The following TCEANC2 variants were observed in gnomAD, a reference collection of about 807,000 sequenced individuals.
The protein encoded by TCEANC2 is transcription elongation factor A N-terminal and central domain containing 2, also known as transcription elongation factor A N-terminal and central domain-containing protein 2.
In TCEANC2, 20 loss-of-function variants were observed where a neutral mutation model predicts 22.8. The ratio of observed to expected loss-of-function variants is 0.88; its 90% CI spans 0.62 to 1.28. The LOEUF (loss-of-function observed/expected upper bound fraction) is 1.28. Among genes scored for constraint, TCEANC2 ranks in the 50% most tolerant of loss-of-function variants. The pLI, the probability that TCEANC2 is intolerant of heterozygous loss-of-function variation, is 0.00. For synonymous variants in TCEANC2, 84 were observed against 95.5 expected (o/e 0.88, Z 0.70); for missense variants, 251 against 249.7 (o/e 1.01, Z -0.03).
In TCEANC2 at chr1:54,096,797, C is replaced by T; in HGVS notation, c.*324C>T. On this transcript the variant is annotated 3_prime_UTR_variant, in exon 5 of 5. Transcript: ENST00000234827. This position sits in a 1 kb window ranked among gnomAD's most constrained non-coding sequence, Gnocchi z 4.9. ...TATGCCAAGGACACCTCTAAACTTC[C>T]CCCATGTCAGTCAGATGAAGTTACT... 1 of 1,045,732 alleles carries T rather than the reference C, an allele frequency of 9.6e-7. No individual in the cohort carries two copies. Among genetic ancestry groups the T allele is most frequent in the Non-Finnish European group, 1.2e-6 (1 of 868,428 alleles). The allele number at this position is 1,045,732 out of a possible 1,614,324, so 64.8% of individuals were successfully genotyped here.
chr1:54,075,930 G>A (rs10158149), intron 3 of TCEANC2, among the ~76,000 whole-genome samples: 1 of 151,556 alleles, frequency 6.6e-6, no homozygotes, highest in Non-Finnish European at 1.5e-5. Context: ...AGGAGAACCC[G>A]GGAAGCTGAG....
chr1:54,071,824 T>C (rs546090400), intron 3 of TCEANC2, among the ~76,000 whole-genome samples: 1 of 152,132 alleles, frequency 6.6e-6, no homozygotes, highest in Non-Finnish European at 1.5e-5. Flanking sequence ...TTTTATTTTT[T>C]TTTTTGAGAC....
chr1:54,083,549 A>G (rs1037184860), intron 3 of TCEANC2, among the ~76,000 whole-genome samples: 3 of 152,212 alleles, frequency 2.0e-5, no homozygotes, highest in African/African-American at 7.2e-5. Context: ...GGATTCGACC[A>G]AGTCAAAGGA....
chr1:54,108,574 A>G (rs375621331), downstream of TCEANC2, among the ~76,000 whole-genome samples: 6 of 152,320 alleles, frequency 3.9e-5, no homozygotes, highest in Middle Eastern at 3.4e-3. Flanking sequence ...TTGGACATCT[A>G]GTCTCCAGAA....
rs1330661794 is a variant in TCEANC2 at position 54,101,043 on chromosome 1, C to A, written c.*4570C>A. ...CCCAGGTTTGAAAAATGGCAGGAGACCCAGATAATGCATTTACTGTGTTCT... is the reference window on the plus strand; with the variant it reads ...CCCAGGTTTGAAAAATGGCAGGAGAACCAGATAATGCATTTACTGTGTTCT... On this transcript the variant is annotated 3_prime_UTR_variant, in exon 5 of 5. Transcript: ENST00000234827. The A allele has an allele frequency of 6.6e-6, 1 of 151,756 alleles. No homozygotes were observed. Among genetic ancestry groups the A allele is most frequent in the Non-Finnish European group, 1.5e-5 (1 of 67,966 alleles). The allele number at this position is 151,756 out of a possible 1,614,324, so 9.4% of individuals were successfully genotyped here.
chr1:54,088,620 A>G lies in TCEANC2; in HGVS notation c.268A>G (p.Lys90Glu). 6.2e-7 allele frequency: 1 copy of G among 1,603,830 alleles called. No individual in the cohort carries two copies. ...RIGHTVNKMR[K>E]HSDSEVASLA... ...AGGTCACACTGTGAACAAGATGCGT[A>G]AACACTCAGATTCAGAAGTGGCTTC... The change falls in exon 4 of 5, where the codon AAA becomes GAA. Residue 90 changes from lysine (K) to glutamate (E), a missense_variant. Transcript: ENST00000234827.
Position 54,099,309 on chromosome 1 carries a change from C to T in TCEANC2, c.*2836C>T, listed in dbSNP as rs550358568. 6.6e-6 allele frequency: 1 copy of T among 152,332 alleles called. No individual in the cohort carries two copies. Among genetic ancestry groups the T allele is most frequent in the African/African-American group, 2.4e-5 (1 of 41,584 alleles). The allele number at this position is 152,332 out of a possible 1,614,324, so 9.4% of individuals were successfully genotyped here. Reference sequence around the variant, plus strand: ...AGGCTGTGTTATTTGTGGCTGTTTTCTCCTTGATGCATGTGCAGAATTTCC... The same window carrying T: ...AGGCTGTGTTATTTGTGGCTGTTTTTTCCTTGATGCATGTGCAGAATTTCC... On this transcript the variant is annotated 3_prime_UTR_variant, in exon 5 of 5. Transcript: ENST00000234827.
At chr1:54,077,035 C>T (rs1428027364) in intron 3 of TCEANC2, among the ~76,000 whole-genome samples, 3 of 151,992 alleles carry the variant, frequency 2.0e-5, no homozygotes, top group African/African-American at 4.8e-5. Context: ...TGAGGTATGG[C>T]TGTAAACATT....
chr1:54,091,596 A>G (rs1658448430), intron 4 of TCEANC2, among the ~76,000 whole-genome samples: 1 of 152,210 alleles, frequency 6.6e-6, no homozygotes, highest in African/African-American at 2.4e-5. Flanking sequence ...CGCACAGCCT[A>G]AAGGTGCATC....
At chr1:54,074,808 A>G (rs1367205652) in intron 3 of TCEANC2, among the ~76,000 whole-genome samples, 1 of 152,226 alleles carries the variant, frequency 6.6e-6, no homozygotes, top group African/African-American at 2.4e-5. Flanking sequence ...TGAGGAGTGA[A>G]GAAGATGTAT....
chr1:54,059,183 T>C (rs1186296461), intron 2 of TCEANC2, among the ~76,000 whole-genome samples: 1 of 151,312 alleles, frequency 6.6e-6, no homozygotes, highest in African/African-American at 2.4e-5. Context: ...CTCAGAGTCT[T>C]GCTCTATCAC....
chr1:54,108,385 C>G (rs749255646), downstream of TCEANC2, among the ~76,000 whole-genome samples: 1 of 152,140 alleles, frequency 6.6e-6, no homozygotes, highest in Non-Finnish European at 1.5e-5. Flanking sequence ...CTTTACAAAG[C>G]TAATTAAGGT....
intron 3 of TCEANC2, among the ~76,000 whole-genome samples, chr1:54,074,068 T>C (rs1292546118): frequency 6.6e-6 from 1 of 152,064 alleles, no homozygotes; most frequent in Non-Finnish European, 1.5e-5. Context: ...CCAAAAGAAA[T>C]GTCCAACAGA....
intron 2 of TCEANC2, among the ~76,000 whole-genome samples, chr1:54,056,914 C>T (rs545876256): frequency 2.0e-5 from 3 of 151,762 alleles, no homozygotes; most frequent in East Asian, 2.0e-4. Context: ...TGGTGGGGAG[C>T]GCCTGTAGTC....
At chr1:54,057,482 C>T (rs568787412) in intron 2 of TCEANC2, among the ~76,000 whole-genome samples, 23 of 151,070 alleles carry the variant, frequency 1.5e-4, no homozygotes, top group African/African-American at 4.1e-4. Context: ...TGAGCCACTA[C>T]GCCTGGCCCC....
In TCEANC2 at chr1:54,100,858, A is replaced by G. The variant is rs899309621; in HGVS notation, c.*4385A>G. Reference sequence around the variant, plus strand: ...TGTGTGTTTTAAAAAGATTTAAAAAACAAAAACAAAAACAGATATTTTAAG... The same window carrying G: ...TGTGTGTTTTAAAAAGATTTAAAAAGCAAAAACAAAAACAGATATTTTAAG... On this transcript the variant is annotated 3_prime_UTR_variant, in exon 5 of 5. Coordinates refer to ENST00000234827, the MANE Select transcript of TCEANC2 (RefSeq NM_153035.3). 3 of 151,954 alleles carry G rather than the reference A, an allele frequency of 2.0e-5. No individual in the cohort carries two copies. The highest frequency in any genetic ancestry group is 4.4e-5 in the Non-Finnish European group (3 of 68,044). 9.4% of individuals were successfully genotyped at this position (151,954 alleles called of 1,614,324 possible).
At chr1:54,058,002 A>T (rs1376994630) in intron 2 of TCEANC2, among the ~76,000 whole-genome samples, 1 of 152,142 alleles carries the variant, frequency 6.6e-6, no homozygotes, top group African/African-American at 2.4e-5. Flanking sequence ...GCCTTACTAA[A>T]ATCCCAGCTC....
intron 3 of TCEANC2, among the ~76,000 whole-genome samples, chr1:54,085,692 G>A (rs1282555233): frequency 1.3e-5 from 2 of 152,110 alleles, no homozygotes; most frequent in Non-Finnish European, 2.9e-5. Flanking sequence ...ATAGCCTACT[G>A]AGATTTTTGG....
chr1:54,054,668 G>A (rs1657711185), intron 2 of TCEANC2, 144 bp downstream of exon 2: 12 of 796,006 alleles, frequency 1.5e-5, no homozygotes, highest in East Asian at 2.8e-5. Flanking sequence ...CCTTTGTTTC[G>A]CCCATAGCTG....
Sources: gnomAD v4.1 joint callset for allele counts (sites outside exome capture counted in the v4.1 genomes callset) on GRCh38, gnomAD v4.1.1 for gene constraint, Gnocchi (gnomAD v3.1) non-coding constraint, MANE v1.5 for transcripts, NCBI Gene and HGNC (gene_info 2026-07-23, HGNC 2026-07-21) for gene names.